PRKAG2: variants seen among roughly 807,000 people sequenced by gnomAD.
The protein encoded by PRKAG2 is 5'-AMP-activated protein kinase subunit gamma-2.
In PRKAG2, 26 loss-of-function variants were observed where a neutral mutation model predicts 69.6. The ratio of observed to expected loss-of-function variants is 0.37; its 90% confidence interval spans 0.27 to 0.52. The LOEUF (loss-of-function observed/expected upper bound fraction) is 0.52, where lower values mean the gene tolerates loss of function less well. Ranked by LOEUF, PRKAG2 falls within the 20% of genes least tolerant of loss-of-function variation. The pLI is 0.90. For missense variants in PRKAG2, 557 were observed against 740.0 expected, an observed-to-expected ratio of 0.75 and a Z score of 2.87; for synonymous variants, 293 against 285.0, an observed-to-expected ratio of 1.03 and a Z score of -0.28.
intron 6 of PRKAG2, among the ~76,000 whole-genome samples, chr7:151,582,469 G>C (rs902139649): frequency 6.6e-6 from 1 of 152,104 alleles, no homozygotes; most frequent in Non-Finnish European, 1.5e-5. Context: ...AAGGTTTATA[G>C]AGAGAAAAGC....
intron 3 of PRKAG2, among the ~76,000 whole-genome samples, chr7:151,747,022 G>A (rs1860740): frequency 0.02 from 3,068 of 152,296 alleles, 156 homozygotes; most frequent in East Asian, 0.14. Flanking sequence ...AGCAAATTGT[G>A]ATGGGGCGGG....
Position 151,587,434 on chromosome 7 carries a change from C to T in PRKAG2, c.864+7911G>A, listed in dbSNP as rs556948160. ...TCCCCATGGCTAAGTGTGGGCTGTACGTGGTGACTTCCTTCTTGGGACTAT... is the reference window on the plus strand; with the variant it reads ...TCCCCATGGCTAAGTGTGGGCTGTATGTGGTGACTTCCTTCTTGGGACTAT... On this transcript the variant is annotated intron_variant, in intron 6 of 15. Coordinates refer to ENST00000287878, the MANE Select transcript of PRKAG2 (RefSeq NM_016203.4). Among the ~76,000 whole-genome samples the T allele has an allele frequency of 1.9e-3, 295 of 152,194 alleles. 2 individuals are homozygous for T. The highest frequency in any genetic ancestry group is 2.4e-3 in the Non-Finnish European group (165 of 68,006).
chr7:151,660,032 C>T (rs1830083047), intron 4 of PRKAG2, among the ~76,000 whole-genome samples: 1 of 152,204 alleles, frequency 6.6e-6, no homozygotes, highest in Non-Finnish European at 1.5e-5. Context: ...GTACTCCAGC[C>T]TGGGTGACAG....
At chr7:151,623,795 TA>T (rs1270244222) in intron 5 of PRKAG2, among the ~76,000 whole-genome samples, 11 of 151,860 alleles carry the variant, frequency 7.2e-5, no homozygotes, top group East Asian at 5.8e-4. Flanking sequence ...ACACATGCAT[TA>T]AAAAAAGGGG....
rs1053928593 is a variant in PRKAG2 at position 151,614,996 on chromosome 7, G to A, written c.754+17073C>T. ...CAGAGGGAACCTCGAGAGAGGAGCC[G>A]TGTGGATCCAGAGGGAACCCCGAGA... On this transcript the variant is annotated intron_variant, in intron 5 of 15. Coordinates refer to ENST00000287878, the MANE Select transcript of PRKAG2 (RefSeq NM_016203.4). This position sits in a 1 kb window ranked among gnomAD's most constrained non-coding sequence, Gnocchi z 4.4. 6.6e-6 allele frequency among the ~76,000 whole-genome samples: 1 copy of A among 152,112 alleles called. No individual in the cohort carries two copies. Among genetic ancestry groups the A allele is most frequent in the African/African-American group, 2.4e-5 (1 of 41,436 alleles).
chr7:151,768,471 CT>C (rs34924001), intron 3 of PRKAG2, among the ~76,000 whole-genome samples: 106,938 of 151,586 alleles, frequency 0.71, 38,256 homozygotes, highest in East Asian at 0.98. Context: ...TTCTTTCTTT[CT>C]TTTTTTTTCT....
intron 1 of PRKAG2, among the ~76,000 whole-genome samples, chr7:151,874,255 G>GATGTAT (rs1199962817): frequency 9.4e-6 from 1 of 106,334 alleles, no homozygotes; most frequent in Non-Finnish European, 1.8e-5. Context: ...ATATGTATAT[G>GATGTAT]ATGTATATGT....
At chr7:151,639,245 C>T (rs1826259903) in intron 4 of PRKAG2, among the ~76,000 whole-genome samples, 1 of 152,230 alleles carries the variant, frequency 6.6e-6, no homozygotes, top group Non-Finnish European at 1.5e-5. Context: ...TTGTCTCCAT[C>T]CCTGCTACAC....
At chr7:151,863,192 T>C (rs1586742956) in intron 1 of PRKAG2, among the ~76,000 whole-genome samples, 1 of 135,922 alleles carries the variant, frequency 7.4e-6, no homozygotes, top group South Asian at 2.5e-4. Context: ...GTGCAGGGGG[T>C]GCTGGTAGGT....
chr7:151,832,958 G>A (rs532790489), intron 1 of PRKAG2, among the ~76,000 whole-genome samples: 80 of 152,290 alleles, frequency 5.3e-4, no homozygotes, highest in African/African-American at 1.9e-3. Context: ...TGAAAAGTGG[G>A]GGACATCTTG....
At chr7:151,735,699 T>C (rs1455252727) in intron 3 of PRKAG2, among the ~76,000 whole-genome samples, 3 of 152,136 alleles carry the variant, frequency 2.0e-5, no homozygotes, top group Non-Finnish European at 4.4e-5. Context: ...AGAAAGAGTA[T>C]TGTCAGGCGG....
intron 1 of PRKAG2, among the ~76,000 whole-genome samples, chr7:151,868,842 C>G (rs2080144267): frequency 6.6e-6 from 1 of 152,154 alleles, no homozygotes; most frequent in African/African-American, 2.4e-5. Context: ...TATAGGAAAA[C>G]AGGGAGAGCA....
At chr7:151,579,474 T>G (rs1246871351) in intron 6 of PRKAG2, among the ~76,000 whole-genome samples, 1 of 152,194 alleles carries the variant, frequency 6.6e-6, no homozygotes, top group Non-Finnish European at 1.5e-5. Flanking sequence ...AGTTCTGAGT[T>G]TGGCATAATG....
intron 3 of PRKAG2, among the ~76,000 whole-genome samples, chr7:151,778,624 T>C (rs1443022644): frequency 6.6e-6 from 1 of 152,226 alleles, no homozygotes; most frequent in African/African-American, 2.4e-5. Flanking sequence ...GCCTTGGCTG[T>C]CCCCAGGCAT....
intron 1 of PRKAG2, among the ~76,000 whole-genome samples, chr7:151,829,379 G>A (rs1426839289): frequency 1.3e-5 from 2 of 152,210 alleles, no homozygotes; most frequent in Non-Finnish European, 2.9e-5. Flanking sequence ...TGTTGACAAG[G>A]ATACAAAGAA....
chr7:151,635,049 A>G (rs760915403), intron 4 of PRKAG2, among the ~76,000 whole-genome samples: 1 of 150,300 alleles, frequency 6.7e-6, no homozygotes, highest in African/African-American at 2.5e-5. Flanking sequence ...TCCCAGGTTC[A>G]GGCAATTTTC....
At chr7:151,770,009 G>A (rs1223039435) in intron 3 of PRKAG2, among the ~76,000 whole-genome samples, 6 of 152,250 alleles carry the variant, frequency 3.9e-5, no homozygotes, top group South Asian at 2.1e-4. Context: ...CTGAGTTCCC[G>A]GCCATAATGG....
intron 1 of PRKAG2, among the ~76,000 whole-genome samples, chr7:151,840,703 C>A (rs1007527205): frequency 2.0e-5 from 3 of 152,228 alleles, no homozygotes; most frequent in Non-Finnish European, 4.4e-5. Flanking sequence ...ACCTCCGTCG[C>A]CAGAGTGGTC....
rs2079458905 is a variant in PRKAG2 at position 151,847,398 on chromosome 7, C to T, written c.114+29109G>A. 2.0e-5 allele frequency among the ~76,000 whole-genome samples: 3 copies of T among 152,158 alleles called. No homozygotes were observed. In the South Asian group the frequency reaches 6.2e-4, roughly 32 times the overall value. On this transcript the variant is annotated intron_variant, in intron 1 of 15. Transcript: ENST00000287878. ...GGCAGGTGGCTCTTAGCTGACTTTT[C>T]CTTCTATGATCAGCTCTGTTCCTTT...
Sources: gnomAD v4.1 joint callset for allele counts (sites outside exome capture counted in the v4.1 genomes callset) on GRCh38, gnomAD v4.1.1 for gene constraint, Gnocchi (gnomAD v3.1) non-coding constraint, MANE v1.5 for transcripts, NCBI Gene and HGNC (gene_info 2026-07-23, HGNC 2026-07-21) for gene names.